The following HDAC9 variants were observed in gnomAD, a reference collection of about 807,000 sequenced individuals.
HDAC9 encodes MEF-2 interacting transcription repressor (MITR) protein.
In HDAC9, 41 loss-of-function variants were observed where a neutral mutation model predicts 139.4. The observed-to-expected ratio is 0.29, with a 90% CI of 0.23 to 0.38. The LOEUF (loss-of-function observed/expected upper bound fraction) is 0.38, where lower values mean the gene tolerates loss of function less well. Among genes scored for constraint, HDAC9 ranks in the 10% least tolerant of loss-of-function variants. The pLI, the probability that HDAC9 is intolerant of heterozygous loss-of-function variation, is 1.00. For missense variants in HDAC9, 1,147 were observed against 1,297.0 expected, an observed-to-expected ratio of 0.88 and a Z score of 1.78; for synonymous variants, 517 against 476.2, an observed-to-expected ratio of 1.09 and a Z score of -1.12.
chr7:18,879,359 T>C (rs111858182), intron 22 of HDAC9, among the ~76,000 whole-genome samples: 6,342 of 152,138 alleles, frequency 0.042, 318 homozygotes, highest in African/African-American at 0.12. Context: ...GCTAAGGCAA[T>C]CCTAAGCGAA....
rs181179303 is a variant in HDAC9 at position 18,641,662 on chromosome 7, A to C, written c.913-3009A>C. Among the ~76,000 whole-genome samples the C allele has an allele frequency of 4.6e-4, 70 of 152,226 alleles. 1 individual carries two copies. The highest frequency in any genetic ancestry group is 3.7e-3 in the Admixed American group (56 of 15,280). Reference sequence around the variant, plus strand: ...ACTGCAAAGTATTGGCATCATAGCAAAGCACTGATTTAAGGGCTGGGCCAG... The same window carrying C: ...ACTGCAAAGTATTGGCATCATAGCACAGCACTGATTTAAGGGCTGGGCCAG... On this transcript the variant is annotated intron_variant, in intron 8 of 25. Coordinates refer to ENST00000686413, the MANE Select transcript of HDAC9 (RefSeq NM_178425.4).
At chr7:18,439,306 G>T (rs184940193) in intron 1 of HDAC9, among the ~76,000 whole-genome samples, 17 of 152,026 alleles carry the variant, frequency 1.1e-4, no homozygotes, top group African/African-American at 3.9e-4. Flanking sequence ...TTCTAAAAAC[G>T]GTTTTCTATA....
chr7:18,461,122 G>A (rs138964404), intron 1 of HDAC9, among the ~76,000 whole-genome samples: 4 of 152,162 alleles, frequency 2.6e-5, no homozygotes, highest in East Asian at 1.9e-4. Context: ...GTGTGCATGC[G>A]TATACATACA....
chr7:18,702,928 A>G (rs1386365896), intron 12 of HDAC9, among the ~76,000 whole-genome samples: 1 of 152,240 alleles, frequency 6.6e-6, no homozygotes, highest in Non-Finnish European at 1.5e-5. Context: ...CTCATATCTC[A>G]TATGAATCCT....
At chr7:18,331,960 G>A (rs1800957798) in intron 1 of HDAC9, among the ~76,000 whole-genome samples, 1 of 151,604 alleles carries the variant, frequency 6.6e-6, no homozygotes, top group Non-Finnish European at 1.5e-5. Context: ...GCCTAGAGAA[G>A]TATTGAGTTA....
At chr7:18,493,717 A>G (rs1297578371), upstream of HDAC9, among the ~76,000 whole-genome samples, 1 of 151,928 alleles carries the variant, frequency 6.6e-6, no homozygotes, top group Non-Finnish European at 1.5e-5. Flanking sequence ...AATATAAAGA[A>G]TCTTGATTTG....
rs546011441 is a variant in HDAC9, at chr7:18,600,822, T to TGTTTTGTTTTGTTTTGTTTTGAGACAGG, written c.664+6796_664+6823dup. On this transcript the variant is annotated intron_variant, in intron 6 of 25. Transcript: ENST00000686413. Reference sequence around the variant, plus strand: ...ACCACCAAATAACTTACTGGAATTTTGTTTTGTTTTGTTTTGTTTTGAGAC... The same window carrying TGTTTTGTTTTGTTTTGTTTTGAGACAGG: ...ACCACCAAATAACTTACTGGAATTTTGTTTTGTTTTGTTTTGTTTTGAGACAGGGTTTTGTTTTGTTTTGTTTTGAGAC... Among the ~76,000 whole-genome samples, 29 of 152,236 alleles carry TGTTTTGTTTTGTTTTGTTTTGAGACAGG rather than the reference T, an allele frequency of 1.9e-4. No individual in the cohort carries two copies. The South Asian group carries it at 6.0e-3, about 32-fold the overall frequency.
intron 11 of HDAC9, among the ~76,000 whole-genome samples, chr7:18,663,549 T>C (rs545690994): frequency 5.3e-5 from 8 of 152,118 alleles, no homozygotes; most frequent in Admixed American, 5.2e-4. Context: ...CAGTTCCTAT[T>C]CCATGACCAC....
chr7:18,509,182 A>G, intron 2 of HDAC9: 1 of 687,588 alleles, frequency 1.5e-6, no homozygotes, highest in Non-Finnish European at 1.8e-6. Flanking sequence ...CACATGCTTG[A>G]TGCCTCATGG....
intron 12 of HDAC9, among the ~76,000 whole-genome samples, chr7:18,686,706 TCTGAAATTTTAA>T (rs1348643051): frequency 6.6e-6 from 1 of 151,966 alleles, no homozygotes; most frequent in Non-Finnish European, 1.5e-5. Flanking sequence ...CCTGGTGGAT[TCTGAAATTTTAA>T]CTCTGTCAAC....
At chr7:18,533,583 G>A (rs1267360936) in intron 2 of HDAC9, among the ~76,000 whole-genome samples, 3 of 151,722 alleles carry the variant, frequency 2.0e-5, no homozygotes, top group Non-Finnish European at 2.9e-5. Context: ...CAACACATTT[G>A]GAAGCTTTTT....
chr7:18,839,002 A>C (rs1171421388), intron 21 of HDAC9, among the ~76,000 whole-genome samples: 1 of 152,072 alleles, frequency 6.6e-6, no homozygotes, highest in African/African-American at 2.4e-5. Context: ...AATTTAAAAA[A>C]TATAATAGAA....
At position 18,528,624 on chromosome 7, in the gene HDAC9, T is replaced by C. The variant is rs371261049; in HGVS notation, c.22+32300T>C. On this transcript the variant is annotated intron_variant, in intron 2 of 25. Transcript: ENST00000686413. Reference sequence around the variant, plus strand: ...AGAATAATTCCCTTTAATAGGAATTTTATTCTAGGAAATCATTTCTAAAAG... The same window carrying C: ...AGAATAATTCCCTTTAATAGGAATTCTATTCTAGGAAATCATTTCTAAAAG... Among the ~76,000 whole-genome samples, 11 of 152,146 alleles carry C rather than the reference T, an allele frequency of 7.2e-5. 1 individual carries two copies. The highest frequency in any genetic ancestry group is 1.9e-4 in the East Asian group (1 of 5,188).
chr7:18,732,948 C>CACGTGTGCGTAT, intron 13 of HDAC9, among the ~76,000 whole-genome samples: 1 of 116,726 alleles, frequency 8.6e-6, no homozygotes, highest in Non-Finnish European at 1.6e-5. Context: ...TGTATACACA[C>CACGTGTGCGTAT]GTGTATGTGT....
chr7:18,695,701 C>G (rs1286714445), intron 12 of HDAC9, among the ~76,000 whole-genome samples: 2 of 152,278 alleles, frequency 1.3e-5, no homozygotes, highest in East Asian at 3.9e-4. Context: ...GAGTGTCCAA[C>G]AGGAGCTTAT....
At chr7:18,587,364 A>G (rs995018124) in intron 3 of HDAC9, among the ~76,000 whole-genome samples, 1 of 152,228 alleles carries the variant, frequency 6.6e-6, no homozygotes, top group Non-Finnish European at 1.5e-5. Flanking sequence ...ATGATTTTCC[A>G]AAATAATAAT....
At chr7:18,895,493 T>C (rs1801105899) in intron 22 of HDAC9, among the ~76,000 whole-genome samples, 1 of 152,068 alleles carries the variant, frequency 6.6e-6, no homozygotes, top group Non-Finnish European at 1.5e-5. Flanking sequence ...AGAGTTCTGA[T>C]TTTTGTTAAT....
chr7:18,093,597 T>A (rs1307458281), intron 1 of HDAC9, among the ~76,000 whole-genome samples: 1 of 152,218 alleles, frequency 6.6e-6, no homozygotes, highest in Admixed American at 6.5e-5. Context: ...TTTCTACTTA[T>A]CATTTTGGTT....
At chr7:18,822,425 G>A (rs1795055142) in intron 17 of HDAC9, among the ~76,000 whole-genome samples, 1 of 152,170 alleles carries the variant, frequency 6.6e-6, no homozygotes, top group African/African-American at 2.4e-5. Context: ...GGCGATCACA[G>A]CTCACTGCAG....
Sources: gnomAD v4.1 joint callset for allele counts (sites outside exome capture counted in the v4.1 genomes callset) on GRCh38, gnomAD v4.1.1 for gene constraint, MANE v1.5 for transcripts, NCBI Gene and HGNC (gene_info 2026-07-23, HGNC 2026-07-21) for gene names.